The following STRN3 variants were observed in gnomAD, a reference collection of about 807,000 sequenced individuals.
The protein encoded by STRN3 is striatin 3.
Under a neutral mutation model 95.6 loss-of-function variants are expected in STRN3, and 29 were observed. The ratio of observed to expected loss-of-function variants is 0.30; its 90% CI spans 0.23 to 0.41. The LOEUF (loss-of-function observed/expected upper bound fraction) is 0.41, where lower values mean the gene tolerates loss of function less well. Ranked by LOEUF, STRN3 falls within the 10% of genes least tolerant of loss-of-function variation. The pLI is 1.00. For synonymous variants in STRN3, 331 were observed against 357.6 expected (o/e 0.93, Z 0.84); for missense variants, 890 against 972.1 (o/e 0.92, Z 1.12).
Position 30,930,156 on chromosome 14 carries a change from C to T in STRN3, c.989-845G>A, listed in dbSNP as rs188291321. Among the ~76,000 whole-genome samples the T allele has an allele frequency of 3.1e-4, 47 of 151,946 alleles. No individual in the cohort carries two copies. In the East Asian group the frequency reaches 5.4e-3, roughly 18 times the overall value. On this transcript the variant is annotated intron_variant, in intron 7 of 17. Coordinates refer to ENST00000357479, the MANE Select transcript of STRN3 (RefSeq NM_001083893.2). The stretch of plus-strand genomic sequence containing the variant: ...TACTTGTGACTGAGAAAAATTTACT[C>T]ATAGTCAACTAGAGGAAAAACAGCA...
At chr14:31,018,272 GCCATAGT>G (rs1280803914) in intron 1 of STRN3, among the ~76,000 whole-genome samples, 1 of 152,120 alleles carries the variant, frequency 6.6e-6, no homozygotes, top group East Asian at 1.9e-4. Flanking sequence ...ATCAGCCTGG[GCCATAGT>G]AAGCTGCTGC....
intron 1 of STRN3, among the ~76,000 whole-genome samples, chr14:30,992,577 A>G (rs1882013751): frequency 6.6e-6 from 1 of 151,086 alleles, no homozygotes. Context: ...AAAAAAAAAA[A>G]AAAAAAAAAA....
intron 1 of STRN3, among the ~76,000 whole-genome samples, chr14:30,973,045 C>CA (rs1880911144): frequency 6.6e-6 from 1 of 152,106 alleles, no homozygotes; most frequent in South Asian, 2.1e-4. Flanking sequence ...CCTATCTCTA[C>CA]AAAAAATACA....
At chr14:30,964,852 A>T (rs1256634621) in intron 1 of STRN3, among the ~76,000 whole-genome samples, 1 of 151,970 alleles carries the variant, frequency 6.6e-6, no homozygotes, top group Non-Finnish European at 1.5e-5. Flanking sequence ...CTCGGAGGTG[A>T]AGGTTGCAGT....
In STRN3 at chr14:30,944,366, A is replaced by T. The variant is rs182327170; in HGVS notation, c.716+2724T>A. Among the ~76,000 whole-genome samples, 942 of 151,932 alleles carry T rather than the reference A, an allele frequency of 6.2e-3. 5 individuals carry two copies. Among genetic ancestry groups the T allele is most frequent in the Non-Finnish European group, 0.011 (729 of 67,968 alleles). On this transcript the variant is annotated intron_variant, in intron 5 of 17. Coordinates refer to ENST00000357479, the MANE Select transcript of STRN3 (RefSeq NM_001083893.2). The stretch of plus-strand genomic sequence containing the variant: ...AAATAAGGGCTCTATCTGATGTCAA[A>T]CTGACTTTAATAGTCATTTCTCAGA...
chr14:30,970,645 C>T (rs1313597340), intron 1 of STRN3, among the ~76,000 whole-genome samples: 1 of 152,174 alleles, frequency 6.6e-6, no homozygotes, highest in African/African-American at 2.4e-5. Context: ...CTGCCTGCAC[C>T]AGCTTCTAAG....
At chr14:30,904,776 A>T (rs144219382) in intron 15 of STRN3, among the ~76,000 whole-genome samples, 1 of 152,268 alleles carries the variant, frequency 6.6e-6, no homozygotes, top group East Asian at 1.9e-4. Context: ...GTTGCCAAGA[A>T]CATTTAAAAA....
chr14:30,963,477 C>T (rs2139169163), intron 1 of STRN3, among the ~76,000 whole-genome samples: 1 of 152,284 alleles, frequency 6.6e-6, no homozygotes, highest in South Asian at 2.1e-4. Context: ...GGTGCAGTCT[C>T]GACTCACTGC....
At chr14:30,957,181 G>A (rs1180563628) in intron 1 of STRN3, among the ~76,000 whole-genome samples, 4 of 149,078 alleles carry the variant, frequency 2.7e-5, no homozygotes, top group East Asian at 4.1e-4. Flanking sequence ...GGGGCCGAGC[G>A]CGGCGGCTCA....
chr14:30,979,522 T>G (rs1294198845), intron 1 of STRN3, among the ~76,000 whole-genome samples: 1 of 152,208 alleles, frequency 6.6e-6, no homozygotes, highest in Admixed American at 6.5e-5. Flanking sequence ...TAACAAATAT[T>G]ACTACTGATT....
intron 1 of STRN3, among the ~76,000 whole-genome samples, chr14:31,023,378 TC>T (rs1301710463): frequency 6.6e-6 from 1 of 152,198 alleles, no homozygotes; most frequent in Non-Finnish European, 1.5e-5. Flanking sequence ...TTAGTTTGGT[TC>T]CAAGTTTCTA....
At chr14:31,007,002 A>G (rs570315249) in intron 1 of STRN3, among the ~76,000 whole-genome samples, 5 of 152,350 alleles carry the variant, frequency 3.3e-5, no homozygotes, top group East Asian at 1.9e-4. Flanking sequence ...ATAAATAAAT[A>G]AAGTTAAATA....
intron 15 of STRN3, among the ~76,000 whole-genome samples, chr14:30,904,918 A>G (rs1896419960): frequency 6.6e-6 from 1 of 151,776 alleles, no homozygotes; most frequent in Non-Finnish European, 1.5e-5. Context: ...CAAAATCCAG[A>G]CTGTCGGAAA....
chr14:30,896,308 T>A (rs984691602), intron 16 of STRN3, among the ~76,000 whole-genome samples: 7 of 152,156 alleles, frequency 4.6e-5, no homozygotes, highest in African/African-American at 1.7e-4. Context: ...GACAATAGGA[T>A]TGCATCAAAG....
intron 1 of STRN3, among the ~76,000 whole-genome samples, chr14:31,013,786 G>A (rs1018170291): frequency 4.0e-5 from 6 of 150,532 alleles, no homozygotes; most frequent in Non-Finnish European, 8.9e-5. Flanking sequence ...AAACGGGGGG[G>A]GTCTCACTAT....
At chr14:30,952,709 CA>C (rs1459763680) in intron 3 of STRN3, among the ~76,000 whole-genome samples, 1 of 150,794 alleles carries the variant, frequency 6.6e-6, no homozygotes, top group Non-Finnish European at 1.5e-5. Flanking sequence ...CAAAAAAAAC[CA>C]AAAAAACAAC....
chr14:30,988,247 G>A (rs927219667), intron 1 of STRN3, among the ~76,000 whole-genome samples: 2 of 152,082 alleles, frequency 1.3e-5, no homozygotes, highest in Non-Finnish European at 2.9e-5. Flanking sequence ...CCTGTGACAC[G>A]AGCAGCACTT....
intron 16 of STRN3, among the ~76,000 whole-genome samples, chr14:30,897,215 G>C (rs1458661275): frequency 6.6e-6 from 1 of 152,128 alleles, no homozygotes; most frequent in Non-Finnish European, 1.5e-5. Flanking sequence ...TTGTGATGGG[G>C]CTATAGCTGT....
intron 1 of STRN3, among the ~76,000 whole-genome samples, chr14:30,990,999 G>C (rs1881925673): frequency 6.6e-6 from 1 of 152,142 alleles, no homozygotes; most frequent in South Asian, 2.1e-4. Context: ...AGAAAAGGAA[G>C]GAATTAAGAC....
Sources: allele counts gnomAD v4.1 joint callset (sites outside exome capture counted in the v4.1 genomes callset), GRCh38; gene constraint gnomAD v4.1.1; transcripts MANE v1.5; gene names NCBI Gene and HGNC (gene_info 2026-07-23, HGNC 2026-07-21).